CNTNAP2: variants seen among roughly 807,000 people sequenced by gnomAD.
The protein encoded by CNTNAP2 is contactin associated protein 2.
Under a neutral mutation model 155.2 loss-of-function variants are expected in CNTNAP2, and 98 were observed. That is an observed-to-expected ratio of 0.63 (90% CI 0.54 to 0.75). The LOEUF (loss-of-function observed/expected upper bound fraction) is 0.75, where lower values mean the gene tolerates loss of function less well. Ranked by LOEUF, CNTNAP2 falls within the 30% of genes least tolerant of loss-of-function variation. The probability of loss-of-function intolerance (pLI) is 0.00; values close to 1 mark genes in which losing one functional copy is unlikely to be tolerated. For missense variants in CNTNAP2, 1,727 were observed against 1,688.1 expected, an observed-to-expected ratio of 1.02 and a Z score of -0.40; for synonymous variants, 651 against 631.2, an observed-to-expected ratio of 1.03 and a Z score of -0.47.
chr7:147,352,557 C>T (rs1795984722), intron 9 of CNTNAP2, among the ~76,000 whole-genome samples: 1 of 151,960 alleles, frequency 6.6e-6, no homozygotes, highest in South Asian at 2.1e-4. Flanking sequence ...TGTTTAGGGA[C>T]TTCACATACT....
At chr7:147,181,386 C>T (rs1318511930) in intron 8 of CNTNAP2, among the ~76,000 whole-genome samples, 3 of 152,328 alleles carry the variant, frequency 2.0e-5, no homozygotes, top group Non-Finnish European at 2.9e-5. Context: ...TACTAGAAAA[C>T]ATTTTCTCAT....
At chr7:146,177,600 T>C (rs755515526) in intron 1 of CNTNAP2, among the ~76,000 whole-genome samples, 10 of 152,242 alleles carry the variant, frequency 6.6e-5, no homozygotes, top group Admixed American at 1.3e-4. Flanking sequence ...TTACTTCTAG[T>C]TTAGTTCGTA....
Position 146,292,970 on chromosome 7 carries a change from A to C in CNTNAP2, c.97+175997A>C, listed in dbSNP as rs577634583. 2.6e-5 allele frequency among the ~76,000 whole-genome samples: 4 copies of C among 152,202 alleles called. No individual in the cohort carries two copies. The East Asian group carries it at 7.7e-4, about 29-fold the overall frequency. On this transcript the variant is annotated intron_variant, in intron 1 of 23. Transcript: ENST00000361727. ...TGGGATATATTGTAAAGCATGGTGA[A>C]TATAGGAAATAACATATTGTTATTT...
chr7:147,185,787 G>C (rs921931956), intron 8 of CNTNAP2, among the ~76,000 whole-genome samples: 4 of 152,146 alleles, frequency 2.6e-5, no homozygotes, highest in Admixed American at 2.6e-4. Flanking sequence ...ATGTGTCGAG[G>C]GAGGTACCTG....
At chr7:147,168,368 A>T (rs1802162872) in intron 8 of CNTNAP2, among the ~76,000 whole-genome samples, 2 of 151,884 alleles carry the variant, frequency 1.3e-5, no homozygotes, top group South Asian at 4.1e-4. Context: ...TATGTCAGAG[A>T]TTTTCAAATG....
chr7:146,645,922 G>T (rs1269807445), intron 1 of CNTNAP2, among the ~76,000 whole-genome samples: 1 of 152,038 alleles, frequency 6.6e-6, no homozygotes. Flanking sequence ...CTTTTTTCCT[G>T]TGAGCTCTCT....
At chr7:147,064,806 T>C (rs554472881) in intron 4 of CNTNAP2, among the ~76,000 whole-genome samples, 14 of 152,310 alleles carry the variant, frequency 9.2e-5, no homozygotes, top group South Asian at 4.1e-4. Context: ...TCTAAAAATG[T>C]TAAAATCTTC....
Position 147,277,931 on chromosome 7 carries a change from G to C in CNTNAP2, c.1349-22210G>C, listed in dbSNP as rs570499596. Among the ~76,000 whole-genome samples, 7 of 151,480 alleles carry C rather than the reference G, an allele frequency of 4.6e-5. No homozygotes were observed. The South Asian group carries it at 1.2e-3, about 27-fold the overall frequency. On this transcript the variant is annotated intron_variant, in intron 8 of 23. Transcript: ENST00000361727. ...GTCCTTCATCATCTGGTTTCAACTGGTACCTCTGGTCTTATCACTCATTCC... is the reference window on the plus strand; with the variant it reads ...GTCCTTCATCATCTGGTTTCAACTGCTACCTCTGGTCTTATCACTCATTCC...
Position 146,774,265 on chromosome 7 carries a change from T to A in CNTNAP2, c.98-6T>A. The A allele has an allele frequency of 6.2e-7, 1 of 1,611,488 alleles. No individual in the cohort carries two copies. The highest frequency in any genetic ancestry group is 2.2e-5 in the East Asian group (1 of 44,842). On this transcript the variant is annotated splice_polypyrimidine_tract_variant and splice_region_variant and intron_variant, in intron 1 of 23. Transcript: ENST00000361727. ...GTCTCTCTCCCTCTCTGTCTTTTGT[T>A]TTCAGAAAAATGTGATGAGCCACTT...
intron 1 of CNTNAP2, among the ~76,000 whole-genome samples, chr7:146,213,672 G>A (rs995417910): frequency 2.0e-5 from 3 of 152,154 alleles, no homozygotes; most frequent in African/African-American, 7.2e-5. Context: ...ATGGGAACTA[G>A]ATTCAAATAT....
intron 13 of CNTNAP2, among the ~76,000 whole-genome samples, chr7:147,691,988 G>A (rs996580770): frequency 2.6e-5 from 4 of 152,098 alleles, no homozygotes; most frequent in South Asian, 4.1e-4. Flanking sequence ...ATGTTCCACT[G>A]CCCTAAAAGT....
At chr7:147,220,240 C>T (rs1221704147) in intron 8 of CNTNAP2, among the ~76,000 whole-genome samples, 1 of 152,044 alleles carries the variant, frequency 6.6e-6, no homozygotes, top group Non-Finnish European at 1.5e-5. Flanking sequence ...CTCTTTATTC[C>T]CAATATATTT....
chr7:146,484,463 T>A (rs987106719), intron 1 of CNTNAP2, among the ~76,000 whole-genome samples: 3 of 152,222 alleles, frequency 2.0e-5, no homozygotes, highest in African/African-American at 7.2e-5. Flanking sequence ...GATTTTGTTT[T>A]AAACTTTTTT....
intron 13 of CNTNAP2, among the ~76,000 whole-genome samples, chr7:147,841,043 C>A (rs901927536): frequency 1.3e-5 from 2 of 152,124 alleles, no homozygotes; most frequent in African/African-American, 2.4e-5. Flanking sequence ...ATTATTTCAG[C>A]AAATTGTCAA....
chr7:147,696,668 A>AT (rs1796166465), intron 13 of CNTNAP2, among the ~76,000 whole-genome samples: 6 of 151,750 alleles, frequency 4.0e-5, no homozygotes, highest in African/African-American at 1.2e-4. Context: ...TTCATTTAAC[A>AT]TTTTTTTTGC....
rs139098649 is a variant in CNTNAP2, at chr7:146,525,574, ATCTC to A, written c.98-248693_98-248690del. Among the ~76,000 whole-genome samples, 1,303 of 132,688 alleles carry A rather than the reference ATCTC, an allele frequency of 9.8e-3. 16 individuals carry two copies. Among genetic ancestry groups the A allele is most frequent in the African/African-American group, 0.044 (1,125 of 25,484 alleles). 87.0% of individuals were successfully genotyped at this position (132,688 alleles called of 152,430 possible). On this transcript the variant is annotated intron_variant, in intron 1 of 23. Transcript: ENST00000361727. ...TATCTATCTATCTATCTATCTATCT[ATCTC>A]TCTATCTATCATCTATCTATCATCT...
At chr7:148,215,559 A>C (rs1795622176) in intron 18 of CNTNAP2, among the ~76,000 whole-genome samples, 1 of 150,368 alleles carries the variant, frequency 6.7e-6, no homozygotes, top group African/African-American at 2.5e-5. Context: ...TGATTCTGAC[A>C]ACTTTCACAC....
chr7:146,610,287 G>T (rs564213697), intron 1 of CNTNAP2, among the ~76,000 whole-genome samples: 1 of 152,152 alleles, frequency 6.6e-6, no homozygotes, highest in African/African-American at 2.4e-5. Flanking sequence ...GATAGGAAAG[G>T]CTTGAAACAT....
intron 12 of CNTNAP2, among the ~76,000 whole-genome samples, chr7:147,618,032 A>T (rs1056739452): frequency 6.6e-6 from 1 of 152,240 alleles, no homozygotes; most frequent in African/African-American, 2.4e-5. Context: ...TTGAATCAGG[A>T]TAATACCATT....
Sources: gnomAD v4.1 joint callset for allele counts (sites outside exome capture counted in the v4.1 genomes callset) on GRCh38, gnomAD v4.1.1 for gene constraint, MANE v1.5 for transcripts, NCBI Gene and HGNC (gene_info 2026-07-23, HGNC 2026-07-21) for gene names.